NPAT: variants seen among roughly 807,000 people sequenced by gnomAD.
The protein encoded by NPAT is protein NPAT.
Under a neutral mutation model 130.7 loss-of-function variants are expected in NPAT, and 52 were observed. The ratio of observed to expected loss-of-function variants is 0.40; its 90% confidence interval spans 0.32 to 0.50. NPAT has a LOEUF of 0.50. NPAT is among the 20% of genes least tolerant of loss of function. NPAT has a pLI of 0.68. For synonymous variants in NPAT, 580 were observed against 584.8 expected (o/e 0.99, Z 0.12); for missense variants, 1,687 against 1,662.6 (o/e 1.01, Z -0.26).
intron 1 of NPAT, among the ~76,000 whole-genome samples, chr11:108,210,456 G>A (rs948199593): frequency 1.3e-5 from 2 of 152,168 alleles, no homozygotes; most frequent in Admixed American, 1.3e-4. Flanking sequence ...CATGTGAGAG[G>A]CCAGCTTCCC....
chr11:108,174,768 GCCACC>G lies in NPAT; in HGVS notation c.1133-922_1133-918del, dbSNP rs199738141. Among the ~76,000 whole-genome samples the G allele has an allele frequency of 6.1e-3, 928 of 152,008 alleles. 6 individuals carry two copies. Among genetic ancestry groups the G allele is most frequent in the East Asian group, 0.011 (54 of 5,134 alleles). ...TATCTGGGATCACAGGTGCGCGCCA[GCCACC>G]ACACCTGGCTAGCTTTTGTATTTTT... On this transcript the variant is annotated intron_variant, in intron 12 of 17. Coordinates refer to ENST00000278612, the MANE Select transcript of NPAT (RefSeq NM_002519.3).
At chr11:108,185,899 A>G (rs1000628130) in intron 8 of NPAT, among the ~76,000 whole-genome samples, 2 of 152,052 alleles carry the variant, frequency 1.3e-5, no homozygotes, top group Non-Finnish European at 2.9e-5. Context: ...CACCCAGCTA[A>G]TTTTTGTATT....
intron 10 of NPAT, among the ~76,000 whole-genome samples, chr11:108,178,237 G>A (rs2078026889): frequency 6.6e-6 from 1 of 152,180 alleles, no homozygotes; most frequent in Non-Finnish European, 1.5e-5. Flanking sequence ...TGGTGGAGGT[G>A]AGCTTGTCAA....
In NPAT at chr11:108,172,838, C is replaced by G. The variant is rs771500707; in HGVS notation, c.2146G>C (p.Glu716Gln). The G allele has an allele frequency of 2.7e-5, 43 of 1,613,914 alleles. No individual in the cohort carries two copies. In the Middle Eastern group the frequency reaches 1.3e-3, roughly 50 times the overall value. Residue 716 changes from glutamate to glutamine, a missense_variant, in exon 13 of 18, where the codon GAG (glutamate) becomes CAG (glutamine). By Grantham distance (29) the Glu-to-Gln change is conservative. Transcript: ENST00000278612. ...VCSSVGDSHP[E>Q]SQNTDDKPSS... ...GGTTTATCATCAGTATTTTGGGACT[C>G]AGGGTGAGAATCTCCCACTGAAGAA...
intron 12 of NPAT, among the ~76,000 whole-genome samples, chr11:108,175,464 A>G (rs1037058958): frequency 6.6e-6 from 1 of 152,206 alleles, no homozygotes; most frequent in Non-Finnish European, 1.5e-5. Context: ...AGGCCACATA[A>G]ATTCAGGATA....
intron 9 of NPAT, 39 bp downstream of exon 9, chr11:108,185,363 AG>A: frequency 6.3e-7 from 1 of 1,576,214 alleles, no homozygotes; most frequent in Non-Finnish European, 8.7e-7. Flanking sequence ...TTATGCAATT[AG>A]GCAAAAACAA....
Position 108,222,607 on chromosome 11 carries a change from G to C in NPAT, c.-71C>G, listed in dbSNP as rs191855201. 2 of 1,542,310 alleles carry C rather than the reference G, an allele frequency of 1.3e-6. No individual in the cohort carries two copies. Among genetic ancestry groups the C allele is most frequent in the Non-Finnish European group, 1.8e-6 (2 of 1,120,576 alleles). Reference sequence around the variant, plus strand: ...TAAAGCAAACACAGCGACAGCTCCTGCGCCGCATCTCCTGGTTCCAGTGGC... The same window carrying C: ...TAAAGCAAACACAGCGACAGCTCCTCCGCCGCATCTCCTGGTTCCAGTGGC... On this transcript the variant is annotated 5_prime_UTR_variant, in exon 1 of 18. Coordinates refer to ENST00000278612, the MANE Select transcript of NPAT (RefSeq NM_002519.3).
chr11:108,177,321 T>TTTA (rs968970260), intron 10 of NPAT, among the ~76,000 whole-genome samples: 2 of 151,762 alleles, frequency 1.3e-5, no homozygotes, highest in African/African-American at 4.8e-5. Context: ...CCCAGCTTAT[T>TTTA]TTATTATTAT....
At chr11:108,165,655 G>A (rs1342030864) in intron 15 of NPAT, among the ~76,000 whole-genome samples, 3 of 148,930 alleles carry the variant, frequency 2.0e-5, no homozygotes, top group African/African-American at 7.4e-5. Flanking sequence ...TTTTGAGACG[G>A]AGTCTCACTC....
In NPAT at chr11:108,200,840, G is replaced by C. The variant is rs536413668; in HGVS notation, c.38-3420C>G. Among the ~76,000 whole-genome samples the C allele has an allele frequency of 1.3e-4, 20 of 152,232 alleles. No individual in the cohort carries two copies. In the South Asian group the frequency reaches 3.7e-3, roughly 28 times the overall value. Reference sequence around the variant, plus strand: ...CTATACCCTACTAACTCAAATACTTGAGGGAACTAAATGGTTCACAGTCCT... The same window carrying C: ...CTATACCCTACTAACTCAAATACTTCAGGGAACTAAATGGTTCACAGTCCT... On this transcript the variant is annotated intron_variant, in intron 1 of 17. Transcript: ENST00000278612.
At chr11:108,181,823 AG>A (rs1167349040) in intron 10 of NPAT, among the ~76,000 whole-genome samples, 14 of 152,096 alleles carry the variant, frequency 9.2e-5, no homozygotes, top group African/African-American at 3.4e-4. Flanking sequence ...CTTCACTAAG[AG>A]GTTATTCAGG....
rs369741165 is a variant in NPAT, at chr11:108,174,969, GA to G, written c.1133-1119del. Among the ~76,000 whole-genome samples, 914 of 152,250 alleles carry G rather than the reference GA, an allele frequency of 6.0e-3. 9 individuals are homozygous for G. Among genetic ancestry groups the G allele is most frequent in the African/African-American group, 0.018 (745 of 41,548 alleles). On this transcript the variant is annotated intron_variant, in intron 12 of 17. Transcript: ENST00000278612. ...AATACAGCATTCACAATTTAGGACA[GA>G]AAACATTAACTTGAATCAGTATGAA...
Position 108,165,466 on chromosome 11 carries a change from A to AT in NPAT, c.3011-3287dup, listed in dbSNP as rs1160879559. Among the ~76,000 whole-genome samples, 100 of 103,070 alleles carry AT rather than the reference A, an allele frequency of 9.7e-4. 1 individual carries two copies. The highest frequency in any genetic ancestry group is 8.6e-3 in the South Asian group (29 of 3,388). 67.6% of individuals were successfully genotyped at this position (103,070 alleles called of 152,430 possible). On this transcript the variant is annotated intron_variant, in intron 15 of 17. Transcript: ENST00000278612. ...CACATATGTATTTATATATATATAT[A>AT]TATATATTTTTTTTTTGTGATAGGG...
intron 1 of NPAT, among the ~76,000 whole-genome samples, chr11:108,216,166 T>C (rs1333470977): frequency 5.3e-5 from 8 of 152,306 alleles, no homozygotes; most frequent in Admixed American, 2.6e-4. Context: ...AAGATTTAGA[T>C]TGAACACCTC....
chr11:108,165,633 ATT>A (rs745405506), intron 15 of NPAT, among the ~76,000 whole-genome samples: 8 of 128,494 alleles, frequency 6.2e-5, no homozygotes, highest in Non-Finnish European at 8.4e-5. Context: ...CCTGGCTAAT[ATT>A]TTTTTTTTTT....
At chr11:108,201,182 C>T (rs1333847172) in intron 1 of NPAT, among the ~76,000 whole-genome samples, 4 of 152,156 alleles carry the variant, frequency 2.6e-5, no homozygotes, top group Non-Finnish European at 5.9e-5. Flanking sequence ...CAGTGAAGTA[C>T]CTAGGTCTAG....
Position 108,185,511 on chromosome 11 carries a change from C to G in NPAT, c.727-17G>C. On this transcript the variant is annotated splice_polypyrimidine_tract_variant and intron_variant, in intron 8 of 17. Transcript: ENST00000278612. ...AACCATTTGCTGGAAAAGAAAGCCA[C>G]TGTTAGCAAAAGGACAATAAAGAGT... 6.6e-7 allele frequency: 1 copy of G among 1,511,980 alleles called. No homozygotes were observed. The highest frequency in any genetic ancestry group is 9.2e-7 in the Non-Finnish European group (1 of 1,089,326). The allele number at this position is 1,511,980 out of a possible 1,614,324, so 93.7% of individuals were successfully genotyped here.
intron 6 of NPAT, among the ~76,000 whole-genome samples, chr11:108,188,424 T>G (rs1284168392): frequency 6.6e-6 from 1 of 152,068 alleles, no homozygotes; most frequent in African/African-American, 2.4e-5. Flanking sequence ...TACAGTAGAA[T>G]GGAAAAAGTC....
At chr11:108,184,400 A>C (rs780359947) in intron 10 of NPAT, among the ~76,000 whole-genome samples, 1 of 151,566 alleles carries the variant, frequency 6.6e-6, no homozygotes, top group South Asian at 2.1e-4. Flanking sequence ...TGAACCTGGG[A>C]GGCAGAGCTT....
Sources: gnomAD v4.1 joint callset for allele counts (sites outside exome capture counted in the v4.1 genomes callset) on GRCh38, gnomAD v4.1.1 for gene constraint, MANE v1.5 for transcripts, NCBI Gene and HGNC (gene_info 2026-07-23, HGNC 2026-07-21) for gene names.